Variants in F8 observed in about 807,000 individuals in gnomAD.
The protein encoded by F8 is antihemophilic factor.
F8 carries 12 observed loss-of-function variants against 140.6 expected under a neutral mutation model. That is an observed-to-expected ratio of 0.09 (90% CI 0.05 to 0.14). The LOEUF (loss-of-function observed/expected upper bound fraction) is 0.14. F8 is among the 10% of genes least tolerant of loss of function. The probability of loss-of-function intolerance (pLI) is 1.00; values close to 1 mark genes in which losing one functional copy is unlikely to be tolerated. For missense variants in F8, 1,354 were observed against 1,720.7 expected (o/e 0.79, Z 3.77); for synonymous variants, 585 against 614.6 (o/e 0.95, Z 0.71).
chrX:154,952,837 C>T (rs1171998008), intron 12 of F8, among the ~76,000 whole-genome samples: 14 of 112,095 alleles, frequency 1.2e-4, no homozygotes, highest in Non-Finnish European at 2.3e-4. Context: ...CCACTGTGCC[C>T]GGCCTGTTCA....
intron 4 of F8, among the ~76,000 whole-genome samples, chrX:154,988,744 T>G (rs1212340336): frequency 8.9e-6 from 1 of 112,102 alleles, no homozygotes; most frequent in Non-Finnish European, 1.9e-5. Context: ...AGGACTGGGT[T>G]TGCTTTCCCC....
chrX:154,965,802 T>G (rs183259805), intron 9 of F8, 168 bp downstream of exon 9: 3 of 483,464 alleles, frequency 6.2e-6, no homozygotes, highest in Non-Finnish European at 1.0e-5. Flanking sequence ...TTTTATTCTA[T>G]ATACTCAAAC....
chrX:155,015,644 C>T (rs1453725587), intron 1 of F8, among the ~76,000 whole-genome samples: 1 of 111,394 alleles, frequency 9.0e-6, no homozygotes, highest in Non-Finnish European at 1.9e-5. Flanking sequence ...ATAATAGACA[C>T]TGGAGACGAC....
intron 22 of F8, among the ~76,000 whole-genome samples, chrX:154,864,114 A>AAC (rs1244669769): frequency 2.7e-5 from 3 of 112,547 alleles, no homozygotes; most frequent in Non-Finnish European, 5.6e-5. Flanking sequence ...CCTGTGAGCC[A>AAC]ACTCCAGTCT....
At chrX:154,864,718 G>A (rs1238607616) in intron 22 of F8, among the ~76,000 whole-genome samples, 1 of 111,731 alleles carries the variant, frequency 9.0e-6, no homozygotes, top group Non-Finnish European at 1.9e-5. Context: ...ATTTAATAGC[G>A]ATCTTTAATA....
At chrX:154,965,928 C>A (rs1557281937) in intron 9 of F8, 42 bp downstream of exon 9, 1 of 1,185,503 alleles carries the variant, frequency 8.4e-7, no homozygotes, top group African/African-American at 1.8e-5. Flanking sequence ...ACTCTCCAGA[C>A]TTTTTCTTCT....
intron 9 of F8, among the ~76,000 whole-genome samples, chrX:154,963,083 T>A (rs1383189125): frequency 8.9e-6 from 1 of 111,860 alleles, no homozygotes; most frequent in Admixed American, 9.5e-5. Flanking sequence ...GGAATGTTCT[T>A]CCATTTGTTT....
At chrX:154,880,799 C>T (rs2072854199) in intron 22 of F8, among the ~76,000 whole-genome samples, 1 of 111,632 alleles carries the variant, frequency 9.0e-6, no homozygotes, top group African/African-American at 3.3e-5. Flanking sequence ...AAAATGTGGC[C>T]TATTTATACA....
intron 6 of F8, among the ~76,000 whole-genome samples, chrX:154,975,040 CATT>C (rs1207812842): frequency 1.4e-4 from 16 of 111,427 alleles, no homozygotes; most frequent in Non-Finnish European, 2.6e-4. Context: ...CTAACTAACT[CATT>C]ATACTGATCT....
chrX:154,836,904 A>G lies in F8; in HGVS notation c.*693T>C, dbSNP rs1557270968. On this transcript the variant is annotated 3_prime_UTR_variant, in exon 26 of 26. Coordinates refer to ENST00000360256, the MANE Select transcript of F8 (RefSeq NM_000132.4). ...TTTGCATTTATACAGAATGCCTTAT[A>G]TAATTTCAGGGGACTTAGGGATTCT... 8.9e-6 allele frequency: 1 copy of G among 112,723 alleles called. No individual in the cohort carries two copies. The highest frequency in any genetic ancestry group is 2.8e-4 in the East Asian group (1 of 3,601). The allele number at this position is 112,723 out of a possible 1,213,427, so 9.3% of individuals were successfully genotyped here.
chrX:154,891,520 GTCA>G (rs375099481), intron 22 of F8, among the ~76,000 whole-genome samples: 89 of 112,714 alleles, frequency 7.9e-4, no homozygotes, highest in African/African-American at 2.8e-3. Context: ...TCAGCATAAT[GTCA>G]TCAGTGTAAT....
intron 25 of F8, among the ~76,000 whole-genome samples, chrX:154,856,573 T>C (rs2072652952): frequency 8.9e-6 from 1 of 112,186 alleles, no homozygotes; most frequent in Non-Finnish European, 1.9e-5. Context: ...GGAAAAGTTC[T>C]AGGTCAAGTG....
At chrX:154,941,713 AT>A (rs1236823705) in intron 13 of F8, among the ~76,000 whole-genome samples, 1 of 95,125 alleles carries the variant, frequency 1.1e-5, no homozygotes, top group East Asian at 3.9e-4. Context: ...CAGAATATAC[AT>A]TTTTTTCAGC....
chrX:154,907,714 G>A (rs2124002711), intron 14 of F8, among the ~76,000 whole-genome samples: 1 of 111,793 alleles, frequency 8.9e-6, no homozygotes, highest in South Asian at 3.7e-4. Flanking sequence ...TTTCTGCCAA[G>A]TTTTCTCTTG....
chrX:154,969,917 G>A (rs1478103216), intron 6 of F8, among the ~76,000 whole-genome samples: 5 of 111,108 alleles, frequency 4.5e-5, no homozygotes, highest in African/African-American at 1.6e-4. Flanking sequence ...TGGAACTCCA[G>A]GCTCATACAG....
At chrX:154,866,110 G>A (rs2072729679) in intron 22 of F8, among the ~76,000 whole-genome samples, 1 of 111,559 alleles carries the variant, frequency 9.0e-6, no homozygotes, top group South Asian at 3.7e-4. Flanking sequence ...ATACTTGTAT[G>A]AGAAAAAATA....
chrX:155,017,490 T>C, intron 1 of F8, among the ~76,000 whole-genome samples: 1 of 112,403 alleles, frequency 8.9e-6, no homozygotes, highest in Middle Eastern at 4.6e-3. Context: ...TAAAAAGCAA[T>C]TAAAATCATA....
intron 1 of F8, among the ~76,000 whole-genome samples, chrX:155,021,168 G>A (rs1557287485): frequency 8.9e-6 from 1 of 111,831 alleles, no homozygotes; most frequent in East Asian, 2.8e-4. Flanking sequence ...AGTGAGAAAT[G>A]TGTGTATAAT....
intron 6 of F8, among the ~76,000 whole-genome samples, chrX:154,981,187 T>G (rs1221034862): frequency 9.0e-6 from 1 of 111,000 alleles, no homozygotes; most frequent in Non-Finnish European, 1.9e-5. Context: ...GTCTCAGTCA[T>G]AAAGAACCAA....
Sources: allele counts gnomAD v4.1 joint callset (sites outside exome capture counted in the v4.1 genomes callset), GRCh38; gene constraint gnomAD v4.1.1; transcripts MANE v1.5; gene names NCBI Gene and HGNC (gene_info 2026-07-23, HGNC 2026-07-21).